ADGRE1: variants seen among roughly 807,000 people sequenced by gnomAD.
The protein encoded by ADGRE1 is EGF-like module receptor 1.
A neutral mutation model predicts 102.7 loss-of-function variants in ADGRE1; 82 were observed. The observed-to-expected ratio is 0.80, with a 90% CI of 0.67 to 0.96. ADGRE1 has a LOEUF of 0.96. Ranked by LOEUF, ADGRE1 falls within the 40% of genes least tolerant of loss-of-function variation. The pLI, the probability that ADGRE1 is intolerant of heterozygous loss-of-function variation, is 0.00. For missense variants in ADGRE1, 1,032 were observed against 1,085.3 expected (o/e 0.95, Z 0.69); for synonymous variants, 398 against 399.6 (o/e 1.00, Z 0.05).
At chr19:6,932,712 A>C (rs762193868) in intron 17 of ADGRE1, among the ~76,000 whole-genome samples, 2 of 151,932 alleles carry the variant, frequency 1.3e-5, no homozygotes, top group Non-Finnish European at 2.9e-5. Context: ...CAACTTCCCT[A>C]GGGTCCCTTT....
At chr19:6,917,416 G>A (rs1974433190) in intron 12 of ADGRE1, among the ~76,000 whole-genome samples, 2 of 152,218 alleles carry the variant, frequency 1.3e-5, no homozygotes, top group South Asian at 4.2e-4. Context: ...GTGGGCTGGA[G>A]CATCAGGAAT....
In ADGRE1 at chr19:6,919,850, G is replaced by C. The variant is rs182337920; in HGVS notation, c.1620+103G>C. The C allele has an allele frequency of 4.4e-6, 5 of 1,141,128 alleles. No homozygotes were observed. The East Asian group carries it at 1.2e-4, about 28-fold the overall frequency. The allele number at this position is 1,141,128 out of a possible 1,614,324, so 70.7% of individuals were successfully genotyped here. Reference sequence around the variant, plus strand: ...TTTTTACGGGAAGCTATTGAGGCCGGTAAGCTTCCACAATTTCCAGCAATT... The same window carrying C: ...TTTTTACGGGAAGCTATTGAGGCCGCTAAGCTTCCACAATTTCCAGCAATT... On this transcript the variant is annotated intron_variant, in intron 13 of 20. Coordinates refer to ENST00000312053, the MANE Select transcript of ADGRE1 (RefSeq NM_001974.5).
chr19:6,922,652 AC>A (rs1974721870), intron 14 of ADGRE1, among the ~76,000 whole-genome samples: 1 of 151,462 alleles, frequency 6.6e-6, no homozygotes, highest in Non-Finnish European at 1.5e-5. Context: ...ACACACACAC[AC>A]ACACAAACAA....
At chr19:6,914,438 T>C (rs745807560) in intron 11 of ADGRE1, among the ~76,000 whole-genome samples, 5 of 152,214 alleles carry the variant, frequency 3.3e-5, no homozygotes, top group Non-Finnish European at 5.9e-5. Context: ...TTGTTACTGC[T>C]GCAAGACTGA....
intron 1 of ADGRE1, among the ~76,000 whole-genome samples, chr19:6,889,393 T>G (rs567125478): frequency 6.6e-6 from 1 of 152,074 alleles, no homozygotes; most frequent in South Asian, 2.1e-4. Flanking sequence ...GCATTGCCTT[T>G]AAACACTAAA....
chr19:6,901,437 T>G (rs533563178), intron 5 of ADGRE1, among the ~76,000 whole-genome samples: 3 of 152,318 alleles, frequency 2.0e-5, no homozygotes, highest in African/African-American at 7.2e-5. Context: ...TAGCACCTCA[T>G]TACTTCACTG....
At chr19:6,909,058 C>T (rs557772910) in intron 10 of ADGRE1, among the ~76,000 whole-genome samples, 12 of 151,256 alleles carry the variant, frequency 7.9e-5, no homozygotes, top group African/African-American at 2.4e-4. Flanking sequence ...TGCTTGAACC[C>T]GGGAGGTGGA....
intron 2 of ADGRE1, among the ~76,000 whole-genome samples, chr19:6,893,466 G>T (rs1272827154): frequency 6.6e-6 from 1 of 152,204 alleles, no homozygotes; most frequent in Non-Finnish European, 1.5e-5. Flanking sequence ...CTCCCAGTGT[G>T]CTGGGATTAC....
At chr19:6,901,832 T>C in intron 5 of ADGRE1, 43 bp from the exon 6 acceptor site, 2 of 1,607,736 alleles carry the variant, frequency 1.2e-6, no homozygotes, top group African/African-American at 1.3e-5. Flanking sequence ...TACTCCTTGC[T>C]TTCTCATTTA....
chr19:6,897,564 CTT>C lies in ADGRE1; in HGVS notation c.514+19_514+20del. On this transcript the variant is annotated intron_variant, in intron 5 of 20. Transcript: ENST00000312053. ...CCTGTGAAGGTATCCATGACCATCT[CTT>C]TATTATTTACCTACTTAATTAATTA... 6.6e-7 allele frequency: 1 copy of C among 1,512,800 alleles called. No individual in the cohort carries two copies. Among genetic ancestry groups the C allele is most frequent in the Non-Finnish European group, 8.8e-7 (1 of 1,133,630 alleles). 93.7% of individuals were successfully genotyped at this position (1,512,800 alleles called of 1,614,324 possible).
chr19:6,913,617 G>A, intron 10 of ADGRE1, 36 bp from the exon 11 acceptor site: 1 of 1,527,374 alleles, frequency 6.5e-7, no homozygotes, highest in Non-Finnish European at 8.9e-7. Context: ...TAATGAGAGA[G>A]AGAGAGAGAA....
intron 12 of ADGRE1, among the ~76,000 whole-genome samples, chr19:6,918,994 G>A (rs1974516336): frequency 6.6e-6 from 1 of 151,850 alleles, no homozygotes; most frequent in African/African-American, 2.4e-5. Flanking sequence ...CAAAGTGCTG[G>A]GATTACAGGC....
In ADGRE1 at chr19:6,935,012, C is replaced by A; in HGVS notation, c.2315C>A (p.Thr772Asn). Residue 772 changes from threonine to asparagine, a missense_variant, in exon 18 of 21, where the codon ACC (threonine) becomes AAC (asparagine). Transcript: ENST00000312053. ...ATCAACTCCCTTCTCCTGACCTGGACCTTGTGGATCCTGAGGCAGAGGCTT... is the reference window on the plus strand; with the variant it reads ...ATCAACTCCCTTCTCCTGACCTGGAACTTGTGGATCCTGAGGCAGAGGCTT... ...IVINSLLLTW[T>N]LWILRQRLSS... 1 of 1,595,696 alleles carries A rather than the reference C, an allele frequency of 6.3e-7. No individual in the cohort carries two copies. Among genetic ancestry groups the A allele is most frequent in the Non-Finnish European group, 8.5e-7 (1 of 1,170,326 alleles).
Position 6,937,623 on chromosome 19 carries a change from C to T in ADGRE1, c.2630C>T (p.Ser877Phe). ...TCCCAGACCTCAAGGATCTTGCTGT[C>T]CTCCATGCCATCCGCTTCCAAGACG... ...SQSQTSRILL[S>F]SMPSASKTG The change falls in exon 20 of 21, where the codon TCC (serine) becomes TTC (phenylalanine). Residue 877 changes from serine (S) to phenylalanine (F), a missense_variant. By Grantham distance (155) the Ser-to-Phe change is radical (BLOSUM62 -2). Transcript: ENST00000312053. The T allele has an allele frequency of 1.2e-6, 2 of 1,614,096 alleles. No homozygotes were observed. Among genetic ancestry groups the T allele is most frequent in the Non-Finnish European group, 1.7e-6 (2 of 1,180,012 alleles).
chr19:6,890,421 G>GTTTTTT (rs57355800), intron 1 of ADGRE1, 60 bp from the exon 2 acceptor site: 133 of 451,058 alleles, frequency 2.9e-4, no homozygotes, highest in South Asian at 9.8e-4. Context: ...AGCCCAAAAG[G>GTTTTTT]TTTTTTTTTT....
intron 8 of ADGRE1, among the ~76,000 whole-genome samples, chr19:6,905,537 G>A (rs1973921749): frequency 6.6e-6 from 1 of 151,856 alleles, no homozygotes; most frequent in South Asian, 2.1e-4. Flanking sequence ...ATTTTTAGTA[G>A]AGATGGGGTT....
In ADGRE1 at chr19:6,937,529, T is replaced by C. The variant is rs1424283344; in HGVS notation, c.2551-15T>C. The C allele has an allele frequency of 2.5e-6, 4 of 1,612,608 alleles. No individual in the cohort carries two copies. Among genetic ancestry groups the C allele is most frequent in the South Asian group, 1.1e-5 (1 of 91,016 alleles). On this transcript the variant is annotated splice_polypyrimidine_tract_variant and intron_variant, in intron 19 of 20. Transcript: ENST00000312053. ...ACCATTTCCCTGCATCTGGATGATG[T>C]GTCTCCTTCTCCAGGTACGAGAAGA...
At chr19:6,924,611 C>A in intron 14 of ADGRE1, 67 bp from the exon 15 acceptor site, 2 of 1,479,632 alleles carry the variant, frequency 1.4e-6, no homozygotes, top group South Asian at 1.2e-5. Context: ...TTTTAGATAA[C>A]TCTTCTTCCC....
chr19:6,917,697 G>C (rs944414642), intron 12 of ADGRE1, among the ~76,000 whole-genome samples: 1 of 142,174 alleles, frequency 7.0e-6, no homozygotes, highest in East Asian at 2.1e-4. Context: ...CTGAGATCGC[G>C]CCACTGCACT....
Sources: allele counts gnomAD v4.1 joint callset (sites outside exome capture counted in the v4.1 genomes callset), GRCh38; gene constraint gnomAD v4.1.1; transcripts MANE v1.5; gene names NCBI Gene and HGNC (gene_info 2026-07-23, HGNC 2026-07-21).